SEM1: variants seen among roughly 807,000 people sequenced by gnomAD.
SEM1 encodes 26S proteasome complex subunit SEM1.
In SEM1, 3 loss-of-function variants were observed where a neutral mutation model predicts 12.7. The observed-to-expected ratio is 0.24, with a 90% CI of 0.11 to 0.61. The LOEUF is 0.61. SEM1 is among the 20% of genes least tolerant of loss of function. SEM1 has a pLI of 0.88. For synonymous variants in SEM1, 30 were observed against 27.8 expected (o/e 1.08, Z -0.25); for missense variants, 59 against 81.3 (o/e 0.73, Z 1.06).
At chr7:96,573,405 C>T (rs7792150) in intron 2 of SEM1, among the ~76,000 whole-genome samples, 16,312 of 152,112 alleles carry the variant, frequency 0.11, 1,083 homozygotes, top group Non-Finnish European at 0.14. Flanking sequence ...TGGCTGGTAC[C>T]GGTTGTTCCT....
chr7:96,512,151 C>A (rs940706008), intron 2 of SEM1, among the ~76,000 whole-genome samples: 2 of 152,098 alleles, frequency 1.3e-5, no homozygotes, highest in Admixed American at 1.3e-4. Flanking sequence ...TGCTTCCTGT[C>A]CCCACTCCAA....
chr7:96,707,322 G>T (rs906007396), intron 1 of SEM1, among the ~76,000 whole-genome samples: 4 of 152,138 alleles, frequency 2.6e-5, no homozygotes, highest in Non-Finnish European at 4.4e-5. Flanking sequence ...TTTTTCTTTT[G>T]CTTTTGTTAC....
Position 96,518,647 on chromosome 7 carries a change from C to A in SEM1, c.171-11949G>T, listed in dbSNP as rs59010811. Among the ~76,000 whole-genome samples the A allele has an allele frequency of 0.044, 6,766 of 152,152 alleles. 1,426 individuals are homozygous for A. The East Asian group carries it at 0.67, about 15-fold the overall frequency. On this transcript the variant is annotated intron_variant and NMD_transcript_variant, in intron 2 of 3. Coordinates refer to the SEM1 transcript ENST00000466986. Reference sequence around the variant, plus strand: ...CCCTTCAGTTCATAATTTAGTTTCCCAAGCAGACTGCCTTACTGAGAAGGC... The same window carrying A: ...CCCTTCAGTTCATAATTTAGTTTCCAAAGCAGACTGCCTTACTGAGAAGGC...
intron 2 of SEM1, among the ~76,000 whole-genome samples, chr7:96,525,434 G>A (rs1313019798): frequency 6.6e-6 from 1 of 152,056 alleles, no homozygotes; most frequent in African/African-American, 2.4e-5. Context: ...GGTTACTTCT[G>A]TATAGAGTGG....
chr7:96,604,673 C>G (rs1158374904), intron 2 of SEM1, among the ~76,000 whole-genome samples: 1 of 151,960 alleles, frequency 6.6e-6, no homozygotes, highest in African/African-American at 2.4e-5. Flanking sequence ...AATCCCAGCA[C>G]TTTTGGAGGC....
chr7:96,658,714 A>T (rs1027361517), intron 2 of SEM1, among the ~76,000 whole-genome samples: 3 of 152,176 alleles, frequency 2.0e-5, no homozygotes, highest in Admixed American at 2.0e-4. Context: ...GACTTCTGCA[A>T]TCTTTGGGGC....
upstream of SEM1, among the ~76,000 whole-genome samples, chr7:96,501,118 CA>C (rs754852813): frequency 1.3e-5 from 2 of 152,248 alleles, no homozygotes; most frequent in Admixed American, 6.5e-5. Context: ...TAACCCTCTG[CA>C]CGTTCTAAGT....
At chr7:96,565,915 C>A (rs911537493) in intron 2 of SEM1, among the ~76,000 whole-genome samples, 3 of 151,736 alleles carry the variant, frequency 2.0e-5, no homozygotes, top group Middle Eastern at 3.2e-3. Flanking sequence ...ATGTTGGATT[C>A]TCTGATAAAA....
At chr7:96,496,450 G>A, upstream of SEM1, 3 of 550,808 alleles carry the variant, frequency 5.4e-6, no homozygotes, top group South Asian at 2.7e-5. Context: ...CCCAACAAAT[G>A]GAACATATGT....
At chr7:96,681,700 T>C (rs934937890) in intron 2 of SEM1, among the ~76,000 whole-genome samples, 1 of 152,100 alleles carries the variant, frequency 6.6e-6, no homozygotes, top group African/African-American at 2.4e-5. Flanking sequence ...GTTGTAGATG[T>C]GTGGTGTTAT....
intron 2 of SEM1, among the ~76,000 whole-genome samples, chr7:96,600,635 AT>A (rs758358575): frequency 2.5e-4 from 38 of 152,312 alleles, no homozygotes; most frequent in Admixed American, 9.2e-4. Context: ...TCACCATGCC[AT>A]GTCACCTTGG....
At chr7:96,650,586 A>C in intron 2 of SEM1, 1 of 708,896 alleles carries the variant, frequency 1.4e-6, no homozygotes, top group Non-Finnish European at 2.6e-6. Flanking sequence ...TAACAACAAC[A>C]ACACTGTAGG....
chr7:96,694,988 A>G (rs1790043891), intron 1 of SEM1, 97 bp from the exon 2 acceptor site: 1 of 773,648 alleles, frequency 1.3e-6, no homozygotes, highest in African/African-American at 1.7e-5. Flanking sequence ...CTCACAATTC[A>G]AAAACAGCTA....
At chr7:96,620,460 T>G (rs1807856528), downstream of SEM1, among the ~76,000 whole-genome samples, 1 of 152,160 alleles carries the variant, frequency 6.6e-6, no homozygotes, top group South Asian at 2.1e-4. Flanking sequence ...TGGGGTACCC[T>G]TTCTGGAGCA....
intron 2 of SEM1, among the ~76,000 whole-genome samples, chr7:96,579,874 T>C (rs189489558): frequency 1.2e-4 from 19 of 152,296 alleles, no homozygotes; most frequent in Non-Finnish European, 2.2e-4. Context: ...ATAGGACCTC[T>C]GTATTATCTC....
chr7:96,491,404 A>G (rs1220113073), intron 1 of SEM1, among the ~76,000 whole-genome samples: 1 of 152,210 alleles, frequency 6.6e-6, no homozygotes, highest in Non-Finnish European at 1.5e-5. Flanking sequence ...CTCCTTCTCT[A>G]TCAATGAACT....
At chr7:96,518,760 G>A (rs1019231671) in intron 2 of SEM1, among the ~76,000 whole-genome samples, 2 of 152,086 alleles carry the variant, frequency 1.3e-5, no homozygotes, top group African/African-American at 4.8e-5. Flanking sequence ...AGTAAATGAG[G>A]TGATGTTTTA....
chr7:96,694,905 C>T lies in SEM1; in HGVS notation c.77-14G>A. ...AGCCAGCCCAGTCTAAAAATAGAAA[C>T]AGATGCTGTCTAAATATTTCTCATA... is the stretch of plus-strand genomic sequence containing the variant. On this transcript the variant is annotated splice_polypyrimidine_tract_variant and intron_variant, in intron 1 of 2. Transcript: ENST00000248566. 6.4e-7 allele frequency: 1 copy of T among 1,551,244 alleles called. No homozygotes were observed. Among genetic ancestry groups the T allele is most frequent in the Non-Finnish European group, 8.9e-7 (1 of 1,125,032 alleles).
chr7:96,618,084 T>C (rs1319089368), downstream of SEM1, among the ~76,000 whole-genome samples: 1 of 152,222 alleles, frequency 6.6e-6, no homozygotes, highest in South Asian at 2.1e-4. Context: ...TTTTTAAAAA[T>C]AGTTTCAGAA....
Sources: gnomAD v4.1 joint callset for allele counts (sites outside exome capture counted in the v4.1 genomes callset) on GRCh38, gnomAD v4.1.1 for gene constraint, MANE v1.5 for transcripts, NCBI Gene and HGNC (gene_info 2026-07-23, HGNC 2026-07-21) for gene names.